SYT1: variants seen among roughly 807,000 people sequenced by gnomAD.
SYT1 encodes the protein synaptotagmin-1.
Under a neutral mutation model 44.8 loss-of-function variants are expected in SYT1, and 8 were observed. The observed-to-expected ratio is 0.18, with a 90% CI of 0.10 to 0.32. SYT1 has a LOEUF of 0.32. Among genes scored for constraint, SYT1 ranks in the 10% least tolerant of loss-of-function variants. The pLI is 1.00. For synonymous variants in SYT1, 154 were observed against 188.8 expected (o/e 0.82, Z 1.51); for missense variants, 286 against 509.3 (o/e 0.56, Z 4.22).
chr12:78,966,054 G>T (rs74326899), intron 1 of SYT1, among the ~76,000 whole-genome samples: 1 of 149,078 alleles, frequency 6.7e-6, no homozygotes, highest in Admixed American at 6.7e-5. Flanking sequence ...TCTAGCTTGG[G>T]TGATAGAATG....
intron 3 of SYT1, among the ~76,000 whole-genome samples, chr12:79,214,016 C>A (rs1874628663): frequency 6.6e-6 from 1 of 152,172 alleles, no homozygotes; most frequent in Admixed American, 6.5e-5. Context: ...TCCTGATAAG[C>A]ATTTTATTTC....
At chr12:79,263,253 A>G (rs2138737489) in intron 4 of SYT1, among the ~76,000 whole-genome samples, 2 of 149,126 alleles carry the variant, frequency 1.3e-5, no homozygotes, top group Admixed American at 6.7e-5. Context: ...TTCTTTCTTA[A>G]GATCCTTCTT....
intron 3 of SYT1, among the ~76,000 whole-genome samples, chr12:79,167,191 T>C (rs922591793): frequency 6.6e-6 from 1 of 152,024 alleles, no homozygotes; most frequent in Non-Finnish European, 1.5e-5. Context: ...AGATTCCCTA[T>C]GAAAAGGACA....
At chr12:78,867,111 G>A (rs889177230) in intron 1 of SYT1, among the ~76,000 whole-genome samples, 14 of 151,616 alleles carry the variant, frequency 9.2e-5, no homozygotes, top group African/African-American at 3.4e-4. Flanking sequence ...GTTTTTAGAG[G>A]TGCCACCTTT....
intron 1 of SYT1, among the ~76,000 whole-genome samples, chr12:78,932,703 G>A (rs1018334852): frequency 1.3e-5 from 2 of 151,828 alleles, no homozygotes; most frequent in Admixed American, 1.3e-4. Context: ...TGCCTTCAGG[G>A]AACAATATGC....
At chr12:79,158,536 C>G (rs1209055576) in intron 3 of SYT1, among the ~76,000 whole-genome samples, 5 of 152,198 alleles carry the variant, frequency 3.3e-5, no homozygotes, top group Non-Finnish European at 7.4e-5. Flanking sequence ...GGGACCCCTG[C>G]TATAATCACC....
At chr12:78,876,897 T>TTATA in intron 1 of SYT1, among the ~76,000 whole-genome samples, 1 of 11,132 alleles carries the variant, frequency 9.0e-5, no homozygotes, top group African/African-American at 2.8e-4. Flanking sequence ...ATAATATATA[T>TTATA]TATATATTAT....
intron 3 of SYT1, among the ~76,000 whole-genome samples, chr12:79,130,987 G>T (rs1031983422): frequency 6.6e-6 from 1 of 152,072 alleles, no homozygotes; most frequent in East Asian, 1.9e-4. Flanking sequence ...GAAGTAAATT[G>T]TAATCCCACT....
chr12:78,996,189 C>T (rs892449759), intron 2 of SYT1, among the ~76,000 whole-genome samples: 3 of 152,138 alleles, frequency 2.0e-5, no homozygotes, highest in East Asian at 1.9e-4. Flanking sequence ...CTTTATGCTT[C>T]GCTACCTCAG....
At chr12:79,182,889 T>C (rs1222729634) in intron 3 of SYT1, among the ~76,000 whole-genome samples, 1 of 152,064 alleles carries the variant, frequency 6.6e-6, no homozygotes, top group Non-Finnish European at 1.5e-5. Flanking sequence ...GCCTAACAAT[T>C]TTAAAAAGTT....
intron 3 of SYT1, among the ~76,000 whole-genome samples, chr12:79,138,376 A>T (rs555514159): frequency 1.3e-5 from 2 of 152,264 alleles, no homozygotes; most frequent in Non-Finnish European, 2.9e-5. Context: ...AGGCAAGAAC[A>T]TTATTGCTAT....
At chr12:79,339,922 T>C (rs1882282328) in intron 8 of SYT1, among the ~76,000 whole-genome samples, 1 of 152,234 alleles carries the variant, frequency 6.6e-6, no homozygotes, top group Non-Finnish European at 1.5e-5. Context: ...ATTTGTTAAA[T>C]AGGGAATCCT....
intron 3 of SYT1, among the ~76,000 whole-genome samples, chr12:79,143,766 T>G (rs111589853): frequency 7.9e-5 from 12 of 152,194 alleles, no homozygotes; most frequent in African/African-American, 2.9e-4. Context: ...GCTCCTCTAC[T>G]TCCCCCCTTA....
chr12:79,038,048 C>T (rs960780364), intron 2 of SYT1, among the ~76,000 whole-genome samples: 1 of 151,362 alleles, frequency 6.6e-6, no homozygotes, highest in Non-Finnish European at 1.5e-5. Context: ...TAAGTTCTCA[C>T]AAAAAGCTGC....
At chr12:79,142,485 A>G (rs1449608852) in intron 3 of SYT1, among the ~76,000 whole-genome samples, 1 of 152,242 alleles carries the variant, frequency 6.6e-6, no homozygotes, top group East Asian at 1.9e-4. Context: ...GATGTAAAGA[A>G]AAACAAATCA....
At chr12:79,355,648 A>G (rs1883083806) in intron 9 of SYT1, among the ~76,000 whole-genome samples, 1 of 152,142 alleles carries the variant, frequency 6.6e-6, no homozygotes, top group African/African-American at 2.4e-5. Flanking sequence ...CAAATTGACC[A>G]ACACACTCTT....
intron 3 of SYT1, among the ~76,000 whole-genome samples, chr12:79,212,268 AC>A (rs1874504047): frequency 6.6e-6 from 1 of 152,144 alleles, no homozygotes; most frequent in Admixed American, 6.5e-5. Context: ...GGAACAGAAA[AC>A]CAAACACCGC....
chr12:79,136,009 A>C (rs1869166599), intron 3 of SYT1, among the ~76,000 whole-genome samples: 1 of 152,218 alleles, frequency 6.6e-6, no homozygotes, highest in African/African-American at 2.4e-5. Flanking sequence ...AGCTTGAGAC[A>C]ACATTGCCTA....
chr12:78,993,659 T>C (rs993513009), intron 2 of SYT1, among the ~76,000 whole-genome samples: 31 of 152,212 alleles, frequency 2.0e-4, no homozygotes, highest in Non-Finnish European at 1.3e-4. Context: ...GCAAACAAAA[T>C]TTTTAAAAGT....
Sources: gnomAD v4.1 joint callset for allele counts (sites outside exome capture counted in the v4.1 genomes callset) on GRCh38, gnomAD v4.1.1 for gene constraint, MANE v1.5 for transcripts, NCBI Gene and HGNC (gene_info 2026-07-23, HGNC 2026-07-21) for gene names.